Variants in EP300 observed in about 807,000 individuals in gnomAD.
The protein encoded by EP300 is histone acetyltransferase p300.
In EP300, 31 loss-of-function variants were observed where a neutral mutation model predicts 264.0. That is an observed-to-expected ratio of 0.12 (90% CI 0.09 to 0.16). EP300 has a LOEUF of 0.16. Among genes scored for constraint, EP300 ranks in the 10% least tolerant of loss-of-function variants. EP300 has a pLI of 1.00. For missense variants in EP300, 2,766 were observed against 3,052.9 expected, an observed-to-expected ratio of 0.91 and a Z score of 2.21; for synonymous variants, 1,340 against 1,045.4, an observed-to-expected ratio of 1.28 and a Z score of -5.44.
rs1253021340 is a variant in EP300 at position 41,147,753 on chromosome 22, T to C, written c.2132-84T>C. On this transcript the variant is annotated intron_variant, in intron 11 of 30. Coordinates refer to ENST00000263253, the MANE Select transcript of EP300 (RefSeq NM_001429.4). The stretch of plus-strand genomic sequence containing the variant: ...ACTCCGTCTCAAAAAAAAAAAAAGA[T>C]ACAGAATCAGACATAAGAATTCTAT... 5 of 999,350 alleles carry C rather than the reference T, an allele frequency of 5.0e-6. No homozygotes were observed. The East Asian group carries it at 1.3e-4, about 25-fold the overall frequency. 61.9% of individuals were successfully genotyped at this position (999,350 alleles called of 1,614,324 possible).
chr22:41,114,545 C>G (rs2058811146), intron 1 of EP300, among the ~76,000 whole-genome samples: 1 of 152,154 alleles, frequency 6.6e-6, no homozygotes, highest in African/African-American at 2.4e-5. Context: ...CTGTAAAACT[C>G]TGGACTCTAA....
At position 41,149,820 on chromosome 22, in the gene EP300, G is replaced by A; in HGVS notation, c.2439G>A (p.Gln813=). Residue 813 remains glutamine (Q), a synonymous_variant, in exon 14 of 31, where the codon CAG becomes CAA. Coordinates refer to ENST00000263253, the MANE Select transcript of EP300 (RefSeq NM_001429.4). ...CTCCTATAATGCCTCCAGGGTCTCA[G>A]GGGAGCCACATTCACTGTCCCCAGC... is the stretch of plus-strand genomic sequence containing the variant. The part of the protein sequence containing the change: ...VNSPIMPPGS[Q]GSHIHCPQLP... The A allele has an allele frequency of 6.2e-7, 1 of 1,613,938 alleles. No homozygotes were observed. The highest frequency in any genetic ancestry group is 8.5e-7 in the Non-Finnish European group (1 of 1,179,988).
At chr22:41,093,293 C>A (rs1222010394) in intron 1 of EP300, among the ~76,000 whole-genome samples, 195 bp downstream of exon 1, 1 of 152,172 alleles carries the variant, frequency 6.6e-6, no homozygotes, top group East Asian at 1.9e-4. Context: ...ACATTGATTG[C>A]AACACTATGT....
At position 41,149,780 on chromosome 22, in the gene EP300, C is replaced by G. The variant is rs770068312; in HGVS notation, c.2399C>G (p.Ser800Cys). The G allele has an allele frequency of 1.2e-6, 2 of 1,614,086 alleles. No homozygotes were observed. Among genetic ancestry groups the G allele is most frequent in the South Asian group, 2.2e-5 (2 of 91,080 alleles). The change falls in exon 14 of 31, where the codon TCC (serine) becomes TGC (cysteine). Residue 800 changes from serine (S) to cysteine (C), a missense_variant. Coordinates refer to ENST00000263253, the MANE Select transcript of EP300 (RefSeq NM_001429.4). ...TAACAGGCACAAATGTCTAGTTCTT[C>G]CTGCCCGGTGAACTCTCCTATAATG... is the stretch of plus-strand genomic sequence containing the variant. Reference protein sequence around the residue: ...PVSQAQMSSSSCPVNSPIMPP... With the variant: ...PVSQAQMSSSCCPVNSPIMPP...
chr22:41,167,620 A>AGTGTT (rs2059145489), intron 23 of EP300, among the ~76,000 whole-genome samples: 1 of 52,740 alleles, frequency 1.9e-5, no homozygotes, highest in South Asian at 6.6e-4. Context: ...ATATATATAT[A>AGTGTT]TATATATATA....
chr22:41,156,319 G>A (rs1332050048), intron 17 of EP300, among the ~76,000 whole-genome samples: 1 of 152,122 alleles, frequency 6.6e-6, no homozygotes, highest in African/African-American at 2.4e-5. Context: ...GGCCACTTTC[G>A]TTGTTTCAAG....
At chr22:41,106,261 A>G (rs1472232494) in intron 1 of EP300, among the ~76,000 whole-genome samples, 2 of 152,220 alleles carry the variant, frequency 1.3e-5, no homozygotes, top group Admixed American at 6.5e-5. Flanking sequence ...TCCAAAAGCA[A>G]TAAGAACAAG....
At position 41,109,510 on chromosome 22, in the gene EP300, T is replaced by C. The variant is rs182218487; in HGVS notation, c.95-7677T>C. Among the ~76,000 whole-genome samples the C allele has an allele frequency of 1.2e-3, 183 of 152,298 alleles. 4 individuals carry two copies. Among genetic ancestry groups the C allele is most frequent in the Admixed American group, 9.8e-3 (150 of 15,290 alleles). On this transcript the variant is annotated intron_variant, in intron 1 of 30. Transcript: ENST00000263253. ...ACACATTGAAAGTGCTGGATAAATG[T>C]ATGCTGTCATCATTGTAAGCTGGGC...
intron 7 of EP300, among the ~76,000 whole-genome samples, chr22:41,136,690 G>A (rs1184759499): frequency 1.3e-5 from 2 of 152,080 alleles, no homozygotes; most frequent in African/African-American, 4.8e-5. Flanking sequence ...TAAAAAGAGA[G>A]GTAGTCCATC....
intron 6 of EP300, 139 bp downstream of exon 6, chr22:41,131,772 G>A (rs1294233251): frequency 8.1e-6 from 10 of 1,239,622 alleles, no homozygotes; most frequent in Middle Eastern, 2.0e-4. Context: ...AGTGTAAAAG[G>A]TCCCTTACAG....
intron 4 of EP300, among the ~76,000 whole-genome samples, 183 bp downstream of exon 4, chr22:41,127,931 C>G (rs572417620): frequency 6.6e-6 from 1 of 152,222 alleles, no homozygotes; most frequent in East Asian, 1.9e-4. Flanking sequence ...CTCACACTTA[C>G]AATCCCAGCA....
At chr22:41,130,964 G>C (rs1310200926) in intron 5 of EP300, among the ~76,000 whole-genome samples, 1 of 152,028 alleles carries the variant, frequency 6.6e-6, no homozygotes, top group Non-Finnish European at 1.5e-5. Flanking sequence ...ACAAGAATTG[G>C]GAATAGAAAA....
At chr22:41,143,756 C>T (rs561610071) in intron 10 of EP300, among the ~76,000 whole-genome samples, 4 of 152,174 alleles carry the variant, frequency 2.6e-5, no homozygotes, top group African/African-American at 4.8e-5. Flanking sequence ...TTTGTATTTT[C>T]AGTAGAGACA....
intron 1 of EP300, among the ~76,000 whole-genome samples, chr22:41,097,583 C>T (rs1012056031): frequency 2.6e-5 from 4 of 152,022 alleles, no homozygotes; most frequent in Non-Finnish European, 4.4e-5. Context: ...AATACTTTTT[C>T]CTGGTATATT....
Position 41,162,711 on chromosome 22 carries a change from T to C in EP300, c.3672-12T>C, listed in dbSNP as rs777641648. 6.2e-7 allele frequency: 1 copy of C among 1,606,114 alleles called. No homozygotes were observed. The highest frequency in any genetic ancestry group is 2.2e-5 in the East Asian group (1 of 44,768). On this transcript the variant is annotated splice_polypyrimidine_tract_variant and intron_variant, in intron 20 of 30. Coordinates refer to ENST00000263253, the MANE Select transcript of EP300 (RefSeq NM_001429.4). ...ATCACTTTTTCTCATTGTGTCCCTT[T>C]TCTCTCCTTAGTACAATAAATAAAG... is the stretch of plus-strand genomic sequence containing the variant.
chr22:41,105,054 G>A (rs577846816), intron 1 of EP300, among the ~76,000 whole-genome samples: 130 of 152,020 alleles, frequency 8.6e-4, no homozygotes, highest in African/African-American at 3.0e-3. Context: ...AAAATTAGCC[G>A]GGCGTAGTGG....
chr22:41,160,579 C>T (rs2059102725), intron 19 of EP300, 63 bp from the exon 20 acceptor site: 7 of 1,551,926 alleles, frequency 4.5e-6, no homozygotes, highest in Non-Finnish European at 6.2e-6. Flanking sequence ...GGCTTCGTTG[C>T]TTGGCTTGGG....
intron 7 of EP300, among the ~76,000 whole-genome samples, chr22:41,136,552 TGATGAGGCTGAGGTGG>T (rs1466092916): frequency 6.6e-6 from 1 of 152,014 alleles, no homozygotes; most frequent in African/African-American, 2.4e-5. Context: ...TCCCAGCTAC[TGATGAGGCTGAGGTGG>T]GAGGAGCACT....
intron 21 of EP300, 31 bp downstream of exon 21, chr22:41,162,810 G>T (rs777725720): frequency 1.3e-5 from 20 of 1,587,052 alleles, no homozygotes; most frequent in Non-Finnish European, 1.4e-5. Flanking sequence ...TAGTCAGTAC[G>T]CTTTGGCTTT....
Sources: allele counts gnomAD v4.1 joint callset (sites outside exome capture counted in the v4.1 genomes callset), GRCh38; gene constraint gnomAD v4.1.1; transcripts MANE v1.5; gene names NCBI Gene and HGNC (gene_info 2026-07-23, HGNC 2026-07-21).